Variants in ZFYVE9 observed in about 807,000 individuals in gnomAD.
The protein encoded by ZFYVE9 is zinc finger FYVE domain-containing protein 9.
In ZFYVE9, 43 loss-of-function variants were observed where a neutral mutation model predicts 126.7. The ratio of observed to expected loss-of-function variants is 0.34; its 90% CI spans 0.27 to 0.44. ZFYVE9 has a LOEUF of 0.44. Ranked by LOEUF, ZFYVE9 falls within the 20% of genes least tolerant of loss-of-function variation. The pLI is 1.00. For synonymous variants in ZFYVE9, 521 were observed against 597.4 expected (o/e 0.87, Z 1.87); for missense variants, 1,476 against 1,697.0 (o/e 0.87, Z 2.29).
intron 4 of ZFYVE9, among the ~76,000 whole-genome samples, chr1:52,256,059 CTCTCTTTCTTTCTTT>C (rs1286209810): frequency 6.8e-6 from 1 of 147,948 alleles, no homozygotes; most frequent in Non-Finnish European, 1.5e-5. Flanking sequence ...CTCTCTCTCT[CTCTCTTTCTTTCTTT>C]TCTTTCTTTC....
At chr1:52,285,853 A>G (rs1645853082) in intron 10 of ZFYVE9, among the ~76,000 whole-genome samples, 1 of 152,060 alleles carries the variant, frequency 6.6e-6, no homozygotes, top group African/African-American at 2.4e-5. Flanking sequence ...GTTGGAGGCT[A>G]CTGTTCTAAA....
At chr1:52,338,202 C>G (rs1003057786) in intron 16 of ZFYVE9, among the ~76,000 whole-genome samples, 1 of 152,156 alleles carries the variant, frequency 6.6e-6, no homozygotes, top group African/African-American at 2.4e-5. Flanking sequence ...AACAGTAATA[C>G]CTGAGCCTTT....
At chr1:52,225,384 T>C (rs1645160918) in intron 2 of ZFYVE9, among the ~76,000 whole-genome samples, 1 of 152,236 alleles carries the variant, frequency 6.6e-6, no homozygotes, top group Non-Finnish European at 1.5e-5. Context: ...TGGAAACAAG[T>C]GCTCAGTGTA....
intron 14 of ZFYVE9, among the ~76,000 whole-genome samples, chr1:52,333,730 A>G (rs1646364533): frequency 6.6e-6 from 1 of 151,112 alleles, no homozygotes; most frequent in South Asian, 2.1e-4. Flanking sequence ...CCAAGGCGAG[A>G]GCATCATTTG....
intron 1 of ZFYVE9, among the ~76,000 whole-genome samples, chr1:52,192,824 C>T (rs1644828186): frequency 6.6e-6 from 1 of 152,130 alleles, no homozygotes; most frequent in Non-Finnish European, 1.5e-5. Flanking sequence ...TTCAGTCTTA[C>T]TTTTTATCAG....
chr1:52,189,382 G>A (rs1244420798), intron 1 of ZFYVE9, among the ~76,000 whole-genome samples: 4 of 151,898 alleles, frequency 2.6e-5, no homozygotes, highest in Non-Finnish European at 4.4e-5. Flanking sequence ...GATTACAGTC[G>A]TGCTCCACCA....
chr1:52,236,300 G>T (rs1320889014), intron 3 of ZFYVE9, among the ~76,000 whole-genome samples: 3 of 152,140 alleles, frequency 2.0e-5, no homozygotes, highest in Admixed American at 1.3e-4. Flanking sequence ...TGATAGAAAT[G>T]ATTTCTGCCT....
intron 3 of ZFYVE9, among the ~76,000 whole-genome samples, chr1:52,235,112 C>G (rs948601915): frequency 3.9e-5 from 6 of 152,018 alleles, no homozygotes; most frequent in Non-Finnish European, 8.8e-5. Flanking sequence ...AATAATAACT[C>G]CTTTAGAAGG....
intron 4 of ZFYVE9, among the ~76,000 whole-genome samples, chr1:52,261,518 G>A (rs1283776239): frequency 4.6e-5 from 7 of 152,162 alleles, no homozygotes; most frequent in African/African-American, 9.7e-5. Context: ...GGGTAGCTTG[G>A]TGCCCAGTAC....
intron 2 of ZFYVE9, among the ~76,000 whole-genome samples, chr1:52,230,228 C>T (rs1361935654): frequency 6.6e-6 from 1 of 152,014 alleles, no homozygotes; most frequent in Non-Finnish European, 1.5e-5. Context: ...CTCAGCAAAG[C>T]GAGAGGGGTT....
At chr1:52,229,867 A>G (rs1031903737) in intron 2 of ZFYVE9, among the ~76,000 whole-genome samples, 4 of 148,158 alleles carry the variant, frequency 2.7e-5, no homozygotes, top group Non-Finnish European at 4.5e-5. Context: ...GCTCACAGAC[A>G]CTTTTTTTTT....
chr1:52,162,906 A>C, intron 1 of ZFYVE9: 1 of 509,086 alleles, frequency 2.0e-6, no homozygotes, highest in South Asian at 2.2e-5. Context: ...AAACCCTTGA[A>C]GGACTACGAG....
intron 1 of ZFYVE9, among the ~76,000 whole-genome samples, chr1:52,191,259 T>C (rs1358948339): frequency 6.6e-6 from 1 of 152,200 alleles, no homozygotes; most frequent in Non-Finnish European, 1.5e-5. Flanking sequence ...TATTTCCTTT[T>C]AATCTTCATA....
At chr1:52,179,181 T>C (rs1644670925) in intron 1 of ZFYVE9, among the ~76,000 whole-genome samples, 1 of 152,162 alleles carries the variant, frequency 6.6e-6, no homozygotes, top group Admixed American at 6.5e-5. Context: ...GTTTGGATGA[T>C]TGAGTGTATC....
intron 15 of ZFYVE9, among the ~76,000 whole-genome samples, chr1:52,337,300 G>A (rs2147874045): frequency 6.6e-6 from 1 of 152,242 alleles, no homozygotes; most frequent in South Asian, 2.1e-4. Context: ...TGCCTTATTT[G>A]CTAGTCAATA....
chr1:52,258,273 C>G (rs1645542191), intron 4 of ZFYVE9, among the ~76,000 whole-genome samples: 2 of 148,940 alleles, frequency 1.3e-5, no homozygotes, highest in African/African-American at 5.0e-5. Context: ...AATTTAAGTT[C>G]AGGTGTGCAA....
intron 1 of ZFYVE9, chr1:52,160,513 C>A (rs1194697592): frequency 2.6e-6 from 2 of 781,038 alleles, no homozygotes; most frequent in East Asian, 4.8e-5. Flanking sequence ...CTACTCTAGC[C>A]ACCACGCTGA....
At chr1:52,281,547 A>G (rs936130969) in intron 9 of ZFYVE9, 114 bp from the exon 10 acceptor site, 1 of 1,180,560 alleles carries the variant, frequency 8.5e-7, no homozygotes, top group Admixed American at 2.5e-5. Context: ...ATACAGACTC[A>G]GTGTGATCTA....
intron 1 of ZFYVE9, among the ~76,000 whole-genome samples, chr1:52,161,392 C>T (rs577938137): frequency 2.0e-4 from 31 of 152,208 alleles, no homozygotes; most frequent in African/African-American, 5.8e-4. Context: ...TGGGTTCAAG[C>T]GATTCTCCTG....
Sources: gnomAD v4.1 joint callset for allele counts (sites outside exome capture counted in the v4.1 genomes callset) on GRCh38, gnomAD v4.1.1 for gene constraint, MANE v1.5 for transcripts, NCBI Gene and HGNC (gene_info 2026-07-23, HGNC 2026-07-21) for gene names.